The following NFKBID variants were observed in gnomAD, a reference collection of about 807,000 sequenced individuals.
The protein encoded by NFKBID is NFKB inhibitor delta.
A neutral mutation model predicts 53.4 loss-of-function variants in NFKBID; 26 were observed. That is an observed-to-expected ratio of 0.49 (90% CI 0.36 to 0.68). The LOEUF (loss-of-function observed/expected upper bound fraction) is 0.68, where lower values mean the gene tolerates loss of function less well. Ranked by LOEUF, NFKBID falls within the 30% of genes least tolerant of loss-of-function variation. The pLI is 0.00. For missense variants in NFKBID, 493 were observed against 614.1 expected, an observed-to-expected ratio of 0.80 and a Z score of 2.08; for synonymous variants, 262 against 259.8, an observed-to-expected ratio of 1.01 and a Z score of -0.08.
intron 1 of NFKBID, 109 bp downstream of exon 1, chr19:35,900,333 G>C (rs2146973498): frequency 2.3e-6 from 2 of 863,022 alleles, no homozygotes; most frequent in East Asian, 3.3e-5. Flanking sequence ...CTCACTCTCG[G>C]GATAAAGGAC....
chr19:35,897,045 C>T, exon 5 of NFKBID: 2 of 1,603,494 alleles, frequency 1.2e-6, no homozygotes, highest in Non-Finnish European at 1.7e-6. Context: ...TGCAGAAACT[C>T]TCCAGGGTCC....
intron 9 of NFKBID, among the ~76,000 whole-genome samples, chr19:35,894,550 T>G (rs1281959847): frequency 6.6e-6 from 1 of 151,944 alleles, no homozygotes; most frequent in Non-Finnish European, 1.5e-5. Flanking sequence ...TACAAAAAAG[T>G]TGCCACGCAT....
chr19:35,888,743 C>T lies in NFKBID; in HGVS notation c.1315-131G>A, dbSNP rs1974550111. On this transcript the variant is annotated intron_variant, in intron 11 of 11. Coordinates refer to ENST00000641389, the Ensembl canonical transcript of NFKBID. ...CCCTTTGGATTTGAAGATCAGAGGT[C>T]CAGAGTCAAGATTTTGGAAGAGCCA... 5.3e-5 allele frequency: 37 copies of T among 696,694 alleles called. 1 individual carries two copies. In the South Asian group the frequency reaches 6.2e-4, roughly 12 times the overall value. 43.2% of individuals were successfully genotyped at this position (696,694 alleles called of 1,614,324 possible).
upstream of NFKBID, chr19:35,900,667 G>T: frequency 8.1e-7 from 1 of 1,227,994 alleles, no homozygotes; most frequent in Non-Finnish European, 1.0e-6. Flanking sequence ...CCCTGAATGG[G>T]CGCGGCGGAC....
At chr19:35,894,701 G>C in intron 9 of NFKBID, among the ~76,000 whole-genome samples, 1 of 151,648 alleles carries the variant, frequency 6.6e-6, no homozygotes, top group East Asian at 1.9e-4. Context: ...CTGTCTCAAA[G>C]AGATTTTTGA....
intron 9 of NFKBID, 119 bp downstream of exon 9, chr19:35,895,861 T>C (rs536450470): frequency 3.5e-6 from 3 of 853,492 alleles, no homozygotes; most frequent in Non-Finnish European, 5.6e-6. Flanking sequence ...TGAAGTAACA[T>C]GTTCAAGGGC....
upstream of NFKBID, chr19:35,901,760 G>A (rs976877240): frequency 4.7e-5 from 8 of 169,514 alleles, no homozygotes; most frequent in African/African-American, 9.6e-5. Flanking sequence ...TTGTAGAGAC[G>A]GGGTTTCACC....
intron 11 of NFKBID, 134 bp from the exon 12 acceptor site, chr19:35,888,746 GA>G: frequency 1.4e-6 from 1 of 691,852 alleles, no homozygotes; most frequent in Admixed American, 2.3e-5. Flanking sequence ...CAGAGGTCCA[GA>G]GTCAAGATTT....
In NFKBID at chr19:35,896,552, G is replaced by A. The variant is rs771519567; in HGVS notation, c.685-14C>T. 5.6e-6 allele frequency: 9 copies of A among 1,613,534 alleles called. No individual in the cohort carries two copies. Among genetic ancestry groups the A allele is most frequent in the South Asian group, 2.2e-5 (2 of 91,068 alleles). On this transcript the variant is annotated splice_polypyrimidine_tract_variant and intron_variant, in intron 6 of 11. Coordinates refer to ENST00000641389, the Ensembl canonical transcript of NFKBID. The surrounding 1 kb of genome is among the most constrained non-coding windows in gnomAD (Gnocchi z 5.7). ...CAGGAGAGGGGTCTGCAGGCCACAG[G>A]AGAAGTCAGGTTGGGCTCCTGGTTC...
exon 4 of NFKBID, chr19:35,897,755 T>G: frequency 6.2e-7 from 1 of 1,611,822 alleles, no homozygotes; most frequent in South Asian, 1.1e-5. Context: ...GAGTAGGGGC[T>G]GTCAGTGTAG....
intron 9 of NFKBID, among the ~76,000 whole-genome samples, chr19:35,894,513 C>T (rs927206571): frequency 6.6e-6 from 1 of 151,914 alleles, no homozygotes; most frequent in Non-Finnish European, 1.5e-5. Flanking sequence ...TTGAGACCAA[C>T]CTGGCCAACA....
At chr19:35,889,744 T>C in intron 11 of NFKBID, 146 bp downstream of exon 11, 1 of 799,154 alleles carries the variant, frequency 1.3e-6, no homozygotes, top group Non-Finnish European at 2.0e-6. Context: ...GAGGTCACAT[T>C]ATAGAGTCAG....
exon 3 of NFKBID, chr19:35,898,502 G>C: frequency 6.5e-7 from 1 of 1,534,708 alleles, no homozygotes; most frequent in Non-Finnish European, 8.7e-7. Flanking sequence ...GATGGGGTCA[G>C]GGGCTGCTCT....
Position 35,896,804 on chromosome 19 carries a change from C to T in NFKBID, c.606G>A (p.Gly202=). The change falls in exon 6 of 12, where the codon GGG becomes GGA. Residue 202 remains glycine (G), a synonymous_variant. Transcript: ENST00000641389. This position sits in a 1 kb window ranked among gnomAD's most constrained non-coding sequence, Gnocchi z 5.7. ...CCGCAGCATATGCCGCCCAGCGCAG[C>T]CCCCGAGCCGCAAACAGGTGAAGGA... 3 of 1,614,024 alleles carry T rather than the reference C, an allele frequency of 1.9e-6. No homozygotes were observed. Among genetic ancestry groups the T allele is most frequent in the Non-Finnish European group, 2.5e-6 (3 of 1,179,906 alleles).
intron 9 of NFKBID, among the ~76,000 whole-genome samples, chr19:35,892,309 C>T (rs1401620206): frequency 6.6e-6 from 1 of 152,100 alleles, no homozygotes; most frequent in Admixed American, 6.6e-5. Context: ...ACCTGAGCCT[C>T]CCAAAGTGCT....
chr19:35,899,035 C>T (rs1975389906), intron 1 of NFKBID, among the ~76,000 whole-genome samples: 1 of 152,184 alleles, frequency 6.6e-6, no homozygotes, highest in Non-Finnish European at 1.5e-5. Flanking sequence ...TCCGCACTTT[C>T]CCTCTGACCC....
At chr19:35,902,246 G>A (rs925571164), upstream of NFKBID, 8 of 703,510 alleles carry the variant, frequency 1.1e-5, no homozygotes, top group African/African-American at 1.4e-4. Context: ...ATGCCAGAAG[G>A]CTTGGCTGTC....
intron 11 of NFKBID, among the ~76,000 whole-genome samples, chr19:35,888,863 T>A (rs1974556384): frequency 6.6e-6 from 1 of 152,088 alleles, no homozygotes; most frequent in South Asian, 2.1e-4. Flanking sequence ...CCAGCCAACA[T>A]GGCGAAACCC....
chr19:35,896,093 T>A lies in NFKBID; in HGVS notation c.919A>T (p.Asn307Tyr), dbSNP rs554847416. 6.2e-7 allele frequency: 1 copy of A among 1,614,176 alleles called. No individual in the cohort carries two copies. Among genetic ancestry groups the A allele is most frequent in the African/African-American group, 1.3e-5 (1 of 75,042 alleles). ...AGGTCGGAAGGGCGCATAGCAACGT[T>A]AAGGGCCAGGATGGCCGTGTGGAGC... Residue 307 changes from asparagine to tyrosine, a missense_variant, in exon 9 of 12, where the codon AAC becomes TAC. Around this residue, in one of 2 missense-constraint regions of NFKBID, gnomAD observed 267 missense variants for 384.6 expected, o/e 0.69. Coordinates refer to ENST00000641389, the Ensembl canonical transcript of NFKBID. This position sits in a 1 kb window ranked among gnomAD's most constrained non-coding sequence, Gnocchi z 5.7.
Sources: allele counts gnomAD v4.1 joint callset (sites outside exome capture counted in the v4.1 genomes callset), GRCh38; gene constraint gnomAD v4.1.1; regional missense constraint gnomAD v4.1.1; non-coding constraint Gnocchi (gnomAD v3.1); transcripts MANE v1.5; gene names NCBI Gene and HGNC (gene_info 2026-07-23, HGNC 2026-07-21).